The following CUX1 variants were observed in gnomAD, a reference collection of about 807,000 sequenced individuals.
CUX1 encodes protein CASP.
In CUX1, 31 loss-of-function variants were observed where a neutral mutation model predicts 158.8. The ratio of observed to expected loss-of-function variants is 0.20; its 90% CI spans 0.15 to 0.26. CUX1 has a LOEUF of 0.26. Among genes scored for constraint, CUX1 ranks in the 10% least tolerant of loss-of-function variants. CUX1 has a pLI of 1.00. For synonymous variants in CUX1, 879 were observed against 862.1 expected (o/e 1.02, Z -0.34); for missense variants, 1,589 against 2,014.6 (o/e 0.79, Z 4.04).
At chr7:101,952,757 G>A (rs577896327) in intron 2 of CUX1, among the ~76,000 whole-genome samples, 31 of 152,150 alleles carry the variant, frequency 2.0e-4, no homozygotes, top group Non-Finnish European at 3.7e-4. Flanking sequence ...GTCTCAGCTC[G>A]GGGCTTACCT....
intron 1 of CUX1, among the ~76,000 whole-genome samples, chr7:101,899,588 A>T (rs1392047404): frequency 6.6e-6 from 1 of 152,190 alleles, no homozygotes; most frequent in East Asian, 1.9e-4. Flanking sequence ...GGCCCAGCAT[A>T]CAGAGAACAT....
intron 11 of CUX1, among the ~76,000 whole-genome samples, chr7:102,180,471 A>G (rs530387898): frequency 6.6e-6 from 1 of 151,780 alleles, no homozygotes; most frequent in African/African-American, 2.4e-5. Flanking sequence ...GACCAAAGAC[A>G]TGCCCCACCA....
chr7:101,992,017 T>G (rs1815200873), intron 2 of CUX1, among the ~76,000 whole-genome samples: 1 of 152,170 alleles, frequency 6.6e-6, no homozygotes, highest in Non-Finnish European at 1.5e-5. Context: ...CATAGTGAGA[T>G]TCCGTTTCAA....
At chr7:101,996,544 A>T (rs1477323358) in intron 2 of CUX1, among the ~76,000 whole-genome samples, 1 of 151,988 alleles carries the variant, frequency 6.6e-6, no homozygotes, top group Non-Finnish European at 1.5e-5. Context: ...AGGCAGAGGC[A>T]GGCGCACAGT....
At chr7:101,987,127 C>T (rs1025563670) in intron 2 of CUX1, among the ~76,000 whole-genome samples, 1 of 152,208 alleles carries the variant, frequency 6.6e-6, no homozygotes, top group Non-Finnish European at 1.5e-5. Flanking sequence ...GAATGAGGCA[C>T]CTGCATGGGT....
chr7:101,916,055 C>A lies in CUX1; in HGVS notation c.31-60C>A. 2 of 1,201,272 alleles carry A rather than the reference C, an allele frequency of 1.7e-6. No individual in the cohort carries two copies. Among genetic ancestry groups the A allele is most frequent in the Non-Finnish European group, 2.5e-6 (2 of 806,264 alleles). The allele number at this position is 1,201,272 out of a possible 1,614,324, so 74.4% of individuals were successfully genotyped here. On this transcript the variant is annotated intron_variant, in intron 1 of 23. Coordinates refer to ENST00000292535, the MANE Select transcript of CUX1 (RefSeq NM_181552.4). The surrounding 1 kb of genome is among the most constrained non-coding windows in gnomAD (Gnocchi z 4.4). ...GTGTTCTGGTCAAATGCAAATAGGA[C>A]CCTCCTCTAGTACACAGTGCAATTA...
intron 14 of CUX1, among the ~76,000 whole-genome samples, chr7:102,266,473 C>T (rs1361302924): frequency 2.6e-5 from 4 of 151,732 alleles, no homozygotes; most frequent in Non-Finnish European, 5.9e-5. Context: ...GTTGAAATGC[C>T]AGTAGAAGAT....
At chr7:102,000,637 T>C (rs1816579627) in intron 2 of CUX1, among the ~76,000 whole-genome samples, 3 of 152,232 alleles carry the variant, frequency 2.0e-5, no homozygotes, top group Admixed American at 2.0e-4. Flanking sequence ...AATTGCTTAA[T>C]GTGTACCTCA....
At chr7:101,999,192 C>G (rs1816363674) in intron 2 of CUX1, among the ~76,000 whole-genome samples, 1 of 125,328 alleles carries the variant, frequency 8.0e-6, no homozygotes, top group African/African-American at 3.0e-5. Flanking sequence ...GGATTTTTAT[C>G]TTTCCTTTAC....
At chr7:101,996,620 TCCTCCCTCCCTCCCTCATTTCTCTC>T (rs1431259556) in intron 2 of CUX1, among the ~76,000 whole-genome samples, 195 of 150,706 alleles carry the variant, frequency 1.3e-3, no homozygotes, top group Non-Finnish European at 2.4e-3. Context: ...CTGACTCCTT[TCCTCCCTCCCTCCCTCATTTCTCTC>T]CCTCCCTCCC....
At chr7:102,200,341 T>A (rs1476512034) in intron 17 of CUX1, among the ~76,000 whole-genome samples, 169 bp downstream of exon 17, 1 of 152,186 alleles carries the variant, frequency 6.6e-6, no homozygotes, top group African/African-American at 2.4e-5. Flanking sequence ...TGTATTTGCC[T>A]AATAGTTACC....
chr7:102,046,603 G>A (rs1822848138), intron 3 of CUX1, among the ~76,000 whole-genome samples: 1 of 65,936 alleles, frequency 1.5e-5, no homozygotes, highest in African/African-American at 7.5e-5. Flanking sequence ...TTTTGAGACA[G>A]TCTCACTCTG....
At chr7:101,995,839 G>A (rs1422994923) in intron 2 of CUX1, among the ~76,000 whole-genome samples, 2 of 152,114 alleles carry the variant, frequency 1.3e-5, no homozygotes, top group African/African-American at 4.8e-5. Flanking sequence ...AGGACCGGCT[G>A]CGGTGGCTCA....
chr7:102,024,888 C>T (rs1051646059), intron 2 of CUX1, among the ~76,000 whole-genome samples: 7 of 152,134 alleles, frequency 4.6e-5, no homozygotes, highest in Non-Finnish European at 1.0e-4. Context: ...TGCCATGCGC[C>T]GAGTGGCTTA....
chr7:102,176,793 G>A (rs781879125), intron 10 of CUX1, among the ~76,000 whole-genome samples: 6 of 151,530 alleles, frequency 4.0e-5, no homozygotes, highest in South Asian at 2.1e-4. Context: ...AGCTGGTCTC[G>A]AACTCTTGAG....
chr7:101,975,734 G>C (rs796966113), intron 2 of CUX1, among the ~76,000 whole-genome samples: 3 of 152,322 alleles, frequency 2.0e-5, no homozygotes, highest in African/African-American at 4.8e-5. Context: ...GAGGTTGGCT[G>C]TCTTTCCGTG....
intron 2 of CUX1, chr7:101,961,505 A>G (rs907838822): frequency 6.6e-6 from 1 of 152,224 alleles, no homozygotes; most frequent in Non-Finnish European, 1.5e-5. Flanking sequence ...TTTAGTCACA[A>G]TATTGATCAA....
At chr7:102,181,647 T>C (rs1453189722) in intron 11 of CUX1, among the ~76,000 whole-genome samples, 4 of 152,234 alleles carry the variant, frequency 2.6e-5, no homozygotes, top group African/African-American at 9.6e-5. Context: ...TGCTACCTTA[T>C]CTTCATCTAA....
At chr7:101,925,380 G>C (rs1466596797) in intron 2 of CUX1, among the ~76,000 whole-genome samples, 1 of 152,152 alleles carries the variant, frequency 6.6e-6, no homozygotes, top group Non-Finnish European at 1.5e-5. Flanking sequence ...TAAAGTGTTG[G>C]GATTACAGGC....
Sources: allele counts gnomAD v4.1 joint callset (sites outside exome capture counted in the v4.1 genomes callset), GRCh38; gene constraint gnomAD v4.1.1; non-coding constraint Gnocchi (gnomAD v3.1); transcripts MANE v1.5; gene names NCBI Gene and HGNC (gene_info 2026-07-23, HGNC 2026-07-21).